The following CABIN1 variants were observed in gnomAD, a reference collection of about 807,000 sequenced individuals.
CABIN1 encodes the protein calcineurin binding protein 1.
A neutral mutation model predicts 227.7 loss-of-function variants in CABIN1; 133 were observed. The observed-to-expected ratio is 0.58, with a 90% CI of 0.51 to 0.67. CABIN1 has a LOEUF of 0.67. Ranked by LOEUF, CABIN1 falls within the 30% of genes least tolerant of loss-of-function variation. The pLI, the probability that CABIN1 is intolerant of heterozygous loss-of-function variation, is 0.00. For missense variants in CABIN1, 2,408 were observed against 2,852.5 expected (o/e 0.84, Z 3.55); for synonymous variants, 1,086 against 1,155.1 (o/e 0.94, Z 1.21).
rs553943178 is a variant in CABIN1, at chr22:24,112,145, TTTTC to T, written c.4118-1409_4118-1406del. Among the ~76,000 whole-genome samples the T allele has an allele frequency of 9.3e-3, 1,422 of 152,362 alleles. 26 individuals carry two copies. Among genetic ancestry groups the T allele is most frequent in the Middle Eastern group, 0.02 (6 of 294 alleles). ...TGATTTGTCTCTTGACGATGTACTT[TTTTC>T]TTTCTTTCTTTGTGTGTCTTACAAT... On this transcript the variant is annotated intron_variant, in intron 26 of 36. Transcript: ENST00000263119.
chr22:24,052,010 G>T (rs1770221869), intron 8 of CABIN1, among the ~76,000 whole-genome samples: 2 of 152,082 alleles, frequency 1.3e-5, no homozygotes, highest in South Asian at 4.2e-4. Context: ...GCCCTTTCTT[G>T]TATTTTGTCA....
At position 24,055,102 on chromosome 22, in the gene CABIN1, G is replaced by A. The variant is rs1358696115; in HGVS notation, c.1036G>A (p.Ala346Thr). The change falls in exon 9 of 37, where the codon GCT becomes ACT. Residue 346 changes from alanine (A) to threonine (T), a missense_variant. Ala to Thr is a moderately conservative substitution (Grantham distance 58, BLOSUM62 0). Transcript: ENST00000263119. Reference sequence around the variant, plus strand: ...GCCTGTGGTCTCCTACACCTCTGTGGCTACAACCAGCTTCCCACTGCACAG... The same window carrying A: ...GCCTGTGGTCTCCTACACCTCTGTGACTACAACCAGCTTCCCACTGCACAG... ...AEPVVSYTSV[A>T]TTSFPLHSPG... The A allele has an allele frequency of 6.2e-7, 1 of 1,614,078 alleles. No homozygotes were observed. Among genetic ancestry groups the A allele is most frequent in the Non-Finnish European group, 8.5e-7 (1 of 1,180,042 alleles).
At position 24,167,156 on chromosome 22, in the gene CABIN1, G is replaced by T; in HGVS notation, c.5525G>T (p.Arg1842Leu). 1 of 1,604,916 alleles carries T rather than the reference G, an allele frequency of 6.2e-7. No individual in the cohort carries two copies. Among genetic ancestry groups the T allele is most frequent in the Non-Finnish European group, 8.5e-7 (1 of 1,177,154 alleles). Reference sequence around the variant, plus strand: ...GGCCACCCGGAGGAGCCGCTCTCCCGGCTCAGCCGCAAGAGGAAGCTCCTG... The same window carrying T: ...GGCCACCCGGAGGAGCCGCTCTCCCTGCTCAGCCGCAAGAGGAAGCTCCTG... ...AGGHPEEPLS[R>L]LSRKRKLLED... The change falls in exon 32 of 37, where the codon CGG (arginine) becomes CTG (leucine). Residue 1842 changes from arginine to leucine, a missense_variant. Around this residue, in one of 3 missense-constraint regions of CABIN1, gnomAD observed 714 missense variants for 773.8 expected, o/e 0.92. Transcript: ENST00000263119.
chr22:24,076,715 T>C (rs2040469456), intron 19 of CABIN1, among the ~76,000 whole-genome samples: 4 of 152,192 alleles, frequency 2.6e-5, no homozygotes, highest in Admixed American at 2.6e-4. Flanking sequence ...ATTCAATAGC[T>C]ATTATTACAT....
intron 26 of CABIN1, among the ~76,000 whole-genome samples, chr22:24,107,326 C>T (rs1412179698): frequency 2.6e-5 from 4 of 152,168 alleles, no homozygotes; most frequent in African/African-American, 9.7e-5. Flanking sequence ...ACCACAATGC[C>T]CCCCAGGGCC....
At chr22:24,134,268 ACACT>A in intron 28 of CABIN1, 30 bp from the exon 29 acceptor site, 4 of 1,559,836 alleles carry the variant, frequency 2.6e-6, no homozygotes, top group South Asian at 1.1e-5. Flanking sequence ...AGCAGCCCAC[ACACT>A]CACTTTCAAC....
chr22:24,140,127 C>A (rs2044665906), intron 29 of CABIN1, among the ~76,000 whole-genome samples: 1 of 152,198 alleles, frequency 6.6e-6, no homozygotes, highest in Non-Finnish European at 1.5e-5. Context: ...TTAGGCTGGG[C>A]TGCTGACAGA....
chr22:24,074,785 A>G (rs2040327129), intron 18 of CABIN1, among the ~76,000 whole-genome samples: 1 of 152,258 alleles, frequency 6.6e-6, no homozygotes, highest in Non-Finnish European at 1.5e-5. Context: ...ACAAAAAGGA[A>G]AATCGTAGAA....
rs962587249 is a variant in CABIN1 at position 24,177,165 on chromosome 22, C to T, written c.6206-339C>T. Among the ~76,000 whole-genome samples, 13 of 152,178 alleles carry T rather than the reference C, an allele frequency of 8.5e-5. No individual in the cohort carries two copies. The highest frequency in any genetic ancestry group is 2.9e-4 in the African/African-American group (12 of 41,436). On this transcript the variant is annotated intron_variant, in intron 35 of 36. Transcript: ENST00000263119. This position sits in a 1 kb window ranked among gnomAD's most constrained non-coding sequence, Gnocchi z 4.4. ...CATAGACACCAATAGGACATGCATCCTAGGATGGTTGTGGAAATACGACAG... is the reference window on the plus strand; with the variant it reads ...CATAGACACCAATAGGACATGCATCTTAGGATGGTTGTGGAAATACGACAG...
intron 27 of CABIN1, among the ~76,000 whole-genome samples, chr22:24,115,655 G>A (rs1027623708): frequency 1.3e-5 from 2 of 152,172 alleles, no homozygotes; most frequent in African/African-American, 4.8e-5. Flanking sequence ...TCTCTAACAC[G>A]CACTCCCCTG....
Position 24,087,549 on chromosome 22 carries a change from C to T in CABIN1, c.3361C>T (p.His1121Tyr), listed in dbSNP as rs1338715220. 1 of 1,614,118 alleles carries T rather than the reference C, an allele frequency of 6.2e-7. No individual in the cohort carries two copies. Among genetic ancestry groups the T allele is most frequent in the Non-Finnish European group, 8.5e-7 (1 of 1,180,062 alleles). The change falls in exon 23 of 37, where the codon CAT (histidine) becomes TAT (tyrosine). Residue 1121 changes from histidine (H) to tyrosine (Y), a missense_variant. Coordinates refer to ENST00000263119, the MANE Select transcript of CABIN1 (RefSeq NM_012295.4). ...GAAGAGTGATGGGCCCATTTGGAAG[C>T]ATGCCACGCCCGTCTTGAACTGCTT... is the stretch of plus-strand genomic sequence containing the variant. Reference protein sequence around the residue: ...ELKSDGPIWKHATPVLNCFRR... With the variant: ...ELKSDGPIWKYATPVLNCFRR...
intron 27 of CABIN1, 149 bp from the exon 28 acceptor site, chr22:24,119,218 C>A: frequency 1.4e-6 from 1 of 734,986 alleles, no homozygotes; most frequent in South Asian, 1.5e-5. Context: ...CCTGTGCCTC[C>A]TGCTGCTGGG....
intron 26 of CABIN1, among the ~76,000 whole-genome samples, chr22:24,111,219 G>A (rs1172521130): frequency 6.6e-6 from 1 of 152,212 alleles, no homozygotes; most frequent in Non-Finnish European, 1.5e-5. Flanking sequence ...GTTTAGCCCA[G>A]CCTCATCTAA....
At chr22:24,119,264 G>A (rs369990640) in intron 27 of CABIN1, 103 bp from the exon 28 acceptor site, 10 of 979,028 alleles carry the variant, frequency 1.0e-5, no homozygotes, top group Middle Eastern at 2.1e-4. Flanking sequence ...TGATCCAGCC[G>A]TGCTGATCAC....
At chr22:24,165,699 C>T (rs772939966) in intron 31 of CABIN1, 73 bp downstream of exon 31, 83 of 1,247,810 alleles carry the variant, frequency 6.7e-5, no homozygotes, top group South Asian at 2.5e-4. Flanking sequence ...GTGGTGGGCC[C>T]GATCCCTCTA....
At chr22:24,072,321 A>T (rs1224682527) in intron 17 of CABIN1, 33 bp from the exon 18 acceptor site, 1 of 1,613,578 alleles carries the variant, frequency 6.2e-7, no homozygotes, top group African/African-American at 1.3e-5. Context: ...CCCTGCTGTG[A>T]CACTTCTGCT....
At chr22:24,164,199 T>C (rs527786069) in intron 29 of CABIN1, among the ~76,000 whole-genome samples, 2 of 152,328 alleles carry the variant, frequency 1.3e-5, no homozygotes, top group South Asian at 4.1e-4. Context: ...GGTCTGTCTG[T>C]CATTTGCTGC....
intron 28 of CABIN1, among the ~76,000 whole-genome samples, chr22:24,127,347 G>A (rs1031441038): frequency 3.9e-5 from 6 of 152,200 alleles, no homozygotes; most frequent in African/African-American, 7.2e-5. Context: ...AGGAGTGAGT[G>A]CTCTGATCAA....
At chr22:24,138,839 C>A (rs2044573458) in intron 29 of CABIN1, among the ~76,000 whole-genome samples, 1 of 152,138 alleles carries the variant, frequency 6.6e-6, no homozygotes, top group South Asian at 2.1e-4. Flanking sequence ...GATCTAAACC[C>A]AACAAGGCCT....
Sources: allele counts gnomAD v4.1 joint callset (sites outside exome capture counted in the v4.1 genomes callset), GRCh38; gene constraint gnomAD v4.1.1; regional missense constraint gnomAD v4.1.1; non-coding constraint Gnocchi (gnomAD v3.1); transcripts MANE v1.5; gene names NCBI Gene and HGNC (gene_info 2026-07-23, HGNC 2026-07-21).